Variants in MAP4K4 observed in about 807,000 individuals in gnomAD.
MAP4K4 encodes HPK/GCK-like kinase HGK.
MAP4K4 carries 38 observed loss-of-function variants against 189.6 expected under a neutral mutation model. That is an observed-to-expected ratio of 0.20 (90% CI 0.15 to 0.26). MAP4K4 has a LOEUF of 0.26. Among genes scored for constraint, MAP4K4 ranks in the 10% least tolerant of loss-of-function variants. The pLI, the probability that MAP4K4 is intolerant of heterozygous loss-of-function variation, is 1.00. For missense variants in MAP4K4, 1,054 were observed against 1,726.9 expected (o/e 0.61, Z 6.91); for synonymous variants, 610 against 624.3 (o/e 0.98, Z 0.34).
At chr2:101,892,675 GT>G (rs1312395631) in exon 33 of MAP4K4, 12 of 336,934 alleles carry the variant, frequency 3.6e-5, no homozygotes, top group Non-Finnish European at 4.7e-5. Context: ...CATCTTCTGT[GT>G]TTTAGGTGTA....
In MAP4K4 at chr2:101,756,084, G is replaced by A. The variant is rs545268561; in HGVS notation, c.124-34636G>A. Among the ~76,000 whole-genome samples, 7 of 151,942 alleles carry A rather than the reference G, an allele frequency of 4.6e-5. No individual in the cohort carries two copies. In the South Asian group the frequency reaches 1.2e-3, roughly 27 times the overall value. Reference sequence around the variant, plus strand: ...GCCTCCTGAGTAGATGGGACTGCAGGCAACCGCCACCACGTCTGGCTAATT... The same window carrying A: ...GCCTCCTGAGTAGATGGGACTGCAGACAACCGCCACCACGTCTGGCTAATT... On this transcript the variant is annotated intron_variant, in intron 2 of 32. Transcript: ENST00000324219.
At chr2:101,737,447 ATATATATATATATATTTTTT>A (rs1295336970) in intron 2 of MAP4K4, among the ~76,000 whole-genome samples, 11 of 33,476 alleles carry the variant, frequency 3.3e-4, no homozygotes, top group Admixed American at 1.1e-3. Flanking sequence ...ATATATATAT[ATATATATATATATATTTTTT>A]TTTTTTTTTT....
exon 11 of MAP4K4, chr2:101,842,628 C>T (rs766936574): frequency 1.9e-5 from 31 of 1,605,790 alleles, no homozygotes; most frequent in African/African-American, 2.7e-5. Context: ...AGTATGAGTA[C>T]AGTGGGAGTG....
intron 2 of MAP4K4, among the ~76,000 whole-genome samples, chr2:101,736,878 G>A (rs2060462828): frequency 6.6e-6 from 1 of 152,136 alleles, no homozygotes. Context: ...TAAATTTAAA[G>A]CAGTTAAAGC....
At chr2:101,812,597 T>C (rs2095497699) in intron 3 of MAP4K4, among the ~76,000 whole-genome samples, 1 of 151,644 alleles carries the variant, frequency 6.6e-6, no homozygotes, top group Non-Finnish European at 1.5e-5. Context: ...CTTAAAGTTC[T>C]ATATAAAATG....
intron 12 of MAP4K4, among the ~76,000 whole-genome samples, chr2:101,851,625 A>G (rs2097285876): frequency 6.8e-6 from 1 of 147,144 alleles, no homozygotes; most frequent in Admixed American, 6.9e-5. Flanking sequence ...TTCTGAATGT[A>G]GTGGTTTTTA....
intron 3 of MAP4K4, among the ~76,000 whole-genome samples, chr2:101,807,790 A>G (rs1273239857): frequency 2.0e-5 from 3 of 152,040 alleles, no homozygotes; most frequent in African/African-American, 7.2e-5. Context: ...GAGGGAAGGA[A>G]TGAGGGAACC....
At chr2:101,857,780 A>G (rs1177960214) in intron 13 of MAP4K4, among the ~76,000 whole-genome samples, 1 of 151,750 alleles carries the variant, frequency 6.6e-6, no homozygotes, top group Non-Finnish European at 1.5e-5. Flanking sequence ...TTTTCTAAGG[A>G]TTTTTATATG....
chr2:101,837,531 C>A (rs2096793989), intron 9 of MAP4K4, among the ~76,000 whole-genome samples: 1 of 152,054 alleles, frequency 6.6e-6, no homozygotes, highest in South Asian at 2.1e-4. Flanking sequence ...GGATTTTAAC[C>A]CCAGTCAGTC....
chr2:101,707,634 T>C (rs2043018252), intron 2 of MAP4K4, among the ~76,000 whole-genome samples: 1 of 151,638 alleles, frequency 6.6e-6, no homozygotes, highest in Non-Finnish European at 1.5e-5. Context: ...CACATCAGCC[T>C]CTTGAATAGC....
At chr2:101,791,525 A>G (rs2148817089) in intron 3 of MAP4K4, among the ~76,000 whole-genome samples, 1 of 152,268 alleles carries the variant, frequency 6.6e-6, no homozygotes, top group East Asian at 1.9e-4. Context: ...GTTTGCCCCT[A>G]ACTTGCCTAG....
intron 2 of MAP4K4, among the ~76,000 whole-genome samples, chr2:101,769,664 A>G (rs908450073): frequency 1.3e-5 from 2 of 151,750 alleles, no homozygotes; most frequent in African/African-American, 2.4e-5. Context: ...GCTCACTGCA[A>G]CCTCTGCCTC....
At chr2:101,753,637 C>A (rs2070469056) in intron 2 of MAP4K4, among the ~76,000 whole-genome samples, 1 of 151,602 alleles carries the variant, frequency 6.6e-6, no homozygotes. Context: ...AATTACCTTT[C>A]AGACATTTTT....
At chr2:101,700,731 T>C (rs1288970789) in intron 2 of MAP4K4, among the ~76,000 whole-genome samples, 3 of 152,106 alleles carry the variant, frequency 2.0e-5, no homozygotes, top group African/African-American at 7.2e-5. Flanking sequence ...AAAAATGTCA[T>C]ATATTCACTA....
chr2:101,893,219 T>C (rs999373483), exon 33 of MAP4K4: 10 of 456,452 alleles, frequency 2.2e-5, no homozygotes, highest in African/African-American at 1.4e-4. Flanking sequence ...CACTCATGAA[T>C]GCAGACACAG....
chr2:101,786,971 C>A (rs949338723), intron 2 of MAP4K4, among the ~76,000 whole-genome samples: 1 of 152,096 alleles, frequency 6.6e-6, no homozygotes, highest in Non-Finnish European at 1.5e-5. Context: ...TTTATTTTAT[C>A]CCTGGATGAG....
In MAP4K4 at chr2:101,821,235, C is replaced by T. The variant is rs146827856; in HGVS notation, c.181-2693C>T. Among the ~76,000 whole-genome samples the T allele has an allele frequency of 3.5e-3, 528 of 152,060 alleles. 8 individuals are homozygous for T. The highest frequency in any genetic ancestry group is 9.7e-4 in the East Asian group (5 of 5,174). On this transcript the variant is annotated intron_variant, in intron 3 of 32. Coordinates refer to ENST00000324219, the Ensembl canonical transcript of MAP4K4. ...CTGTATTGGGTCATGTGACTGTTGC[C>T]GTATTTGTAGTCATCTGTCAAAGTC...
At position 101,877,589 on chromosome 2, in the gene MAP4K4, C is replaced by T. The variant is rs182591958; in HGVS notation, c.3385+443C>T. ...CTCCCAGGTTCAAGCAATTCTCCTG[C>T]CTCAGCCTCCCGAGTAGCTGGGACT... On this transcript the variant is annotated intron_variant, in intron 27 of 32. Coordinates refer to ENST00000324219, the Ensembl canonical transcript of MAP4K4. Among the ~76,000 whole-genome samples the T allele has an allele frequency of 1.7e-4, 26 of 151,812 alleles. No homozygotes were observed. The East Asian group carries it at 5.0e-3, about 29-fold the overall frequency.
At chr2:101,894,091 C>G (rs189700142) in exon 33 of MAP4K4, 141 of 152,514 alleles carry the variant, frequency 9.2e-4, no homozygotes, top group African/African-American at 3.0e-3. Context: ...TGTTTAGATT[C>G]TTTTAGGAAA....
Sources: gnomAD v4.1 joint callset for allele counts (sites outside exome capture counted in the v4.1 genomes callset) on GRCh38, gnomAD v4.1.1 for gene constraint, MANE v1.5 for transcripts, NCBI Gene and HGNC (gene_info 2026-07-23, HGNC 2026-07-21) for gene names.